The following CDH13 variants were observed in gnomAD, a reference collection of about 807,000 sequenced individuals.
CDH13 encodes cadherin 13, also known as cadherin-13.
CDH13 carries 24 observed loss-of-function variants against 63.8 expected under a neutral mutation model. The ratio of observed to expected loss-of-function variants is 0.38; its 90% CI spans 0.27 to 0.53. The LOEUF (loss-of-function observed/expected upper bound fraction) is 0.53, where lower values mean the gene tolerates loss of function less well. CDH13 is among the 20% of genes least tolerant of loss of function. The pLI, the probability that CDH13 is intolerant of heterozygous loss-of-function variation, is 0.85. For missense variants in CDH13, 1,049 were observed against 903.1 expected (o/e 1.16, Z -2.07); for synonymous variants, 503 against 355.3 (o/e 1.42, Z -4.67).
intron 6 of CDH13, among the ~76,000 whole-genome samples, chr16:83,440,753 C>T (rs1256138096): frequency 6.7e-6 from 1 of 148,348 alleles, no homozygotes; most frequent in East Asian, 2.0e-4. Flanking sequence ...CCACCGCACT[C>T]CAGCCTGGGC....
At chr16:83,343,973 AT>A (rs772583801) in intron 5 of CDH13, among the ~76,000 whole-genome samples, 2 of 152,222 alleles carry the variant, frequency 1.3e-5, no homozygotes, top group Non-Finnish European at 2.9e-5. Flanking sequence ...CCACTTACAG[AT>A]GAGAAAACTG....
At chr16:83,686,231 C>T (rs1904313324) in intron 10 of CDH13, among the ~76,000 whole-genome samples, 1 of 152,208 alleles carries the variant, frequency 6.6e-6, no homozygotes, top group African/African-American at 2.4e-5. Context: ...GTAACTTCAC[C>T]AAGCTTCACA....
At chr16:83,774,704 A>G (rs1914987643) in intron 11 of CDH13, among the ~76,000 whole-genome samples, 1 of 152,196 alleles carries the variant, frequency 6.6e-6, no homozygotes, top group Non-Finnish European at 1.5e-5. Flanking sequence ...AAAATAAAAA[A>G]TTCCACTTAC....
At chr16:82,657,236 GAAC>G (rs1455422197) in intron 1 of CDH13, among the ~76,000 whole-genome samples, 3 of 152,056 alleles carry the variant, frequency 2.0e-5, no homozygotes, top group African/African-American at 7.2e-5. Flanking sequence ...AGTAAGAGAT[GAAC>G]AACAATTGCT....
At chr16:83,424,224 A>G (rs1379790417) in intron 6 of CDH13, among the ~76,000 whole-genome samples, 2 of 149,390 alleles carry the variant, frequency 1.3e-5, no homozygotes, top group African/African-American at 2.4e-5. Context: ...TGTGGACTGA[A>G]CAGTCTAGAA....
At chr16:83,417,872 T>C (rs1235866003) in intron 6 of CDH13, among the ~76,000 whole-genome samples, 1 of 152,130 alleles carries the variant, frequency 6.6e-6, no homozygotes, top group African/African-American at 2.4e-5. Context: ...CACAGCAAAA[T>C]GGTTCCAGTC....
intron 8 of CDH13, among the ~76,000 whole-genome samples, chr16:83,612,183 C>G (rs1189921129): frequency 6.6e-6 from 1 of 151,964 alleles, no homozygotes; most frequent in East Asian, 1.9e-4. Flanking sequence ...TAATTTGAGG[C>G]TGTCTTATTA....
chr16:82,958,562 C>T (rs1169073795), intron 2 of CDH13, among the ~76,000 whole-genome samples: 2 of 152,152 alleles, frequency 1.3e-5, no homozygotes, highest in Non-Finnish European at 2.9e-5. Flanking sequence ...GAGAGGAAGA[C>T]AATGAGTAAA....
intron 3 of CDH13, among the ~76,000 whole-genome samples, chr16:83,087,436 G>C (rs534490790): frequency 6.6e-6 from 1 of 151,982 alleles, no homozygotes; most frequent in African/African-American, 2.4e-5. Flanking sequence ...TTGAGAGGCC[G>C]AGGCGGGCAG....
intron 3 of CDH13, among the ~76,000 whole-genome samples, chr16:83,082,541 G>A (rs1261648732): frequency 2.6e-5 from 4 of 152,152 alleles, no homozygotes; most frequent in African/African-American, 9.7e-5. Context: ...GCTGAGGCAG[G>A]AGAATAGGAG....
intron 2 of CDH13, among the ~76,000 whole-genome samples, chr16:83,031,091 C>T (rs1916264432): frequency 6.6e-6 from 1 of 150,836 alleles, no homozygotes; most frequent in Non-Finnish European, 1.5e-5. Flanking sequence ...ATATATGGTG[C>T]ATGCGTATGT....
intron 7 of CDH13, among the ~76,000 whole-genome samples, chr16:83,506,241 C>T (rs1419231516): frequency 6.6e-6 from 1 of 152,124 alleles, no homozygotes. Flanking sequence ...TAGACAAGCT[C>T]CTCTGTATCC....
chr16:83,175,073 C>T (rs963271152), intron 4 of CDH13, among the ~76,000 whole-genome samples: 8 of 152,046 alleles, frequency 5.3e-5, no homozygotes, highest in Non-Finnish European at 8.8e-5. Flanking sequence ...TCATCAGCTA[C>T]GTATCGCTGG....
At chr16:83,227,875 C>G (rs1310642332) in intron 5 of CDH13, among the ~76,000 whole-genome samples, 2 of 152,200 alleles carry the variant, frequency 1.3e-5, no homozygotes, top group East Asian at 1.9e-4. Flanking sequence ...GTGTTAGCCA[C>G]TATTTCACAG....
intron 4 of CDH13, among the ~76,000 whole-genome samples, chr16:83,173,753 C>T (rs72800277): frequency 0.02 from 3,087 of 152,206 alleles, 64 homozygotes; most frequent in Middle Eastern, 0.044. Flanking sequence ...TTCTGGGCCT[C>T]TTTCTTTAGG....
intron 2 of CDH13, among the ~76,000 whole-genome samples, chr16:82,940,199 T>A (rs1386342686): frequency 6.6e-6 from 1 of 152,120 alleles, no homozygotes; most frequent in Admixed American, 6.6e-5. Flanking sequence ...TATCAGTAGG[T>A]CAAATGCAAA....
At chr16:83,671,494 C>T (rs1914496212) in intron 9 of CDH13, among the ~76,000 whole-genome samples, 1 of 152,186 alleles carries the variant, frequency 6.6e-6, no homozygotes, top group African/African-American at 2.4e-5. Flanking sequence ...AGTGATCCAC[C>T]TGCCCTGGCC....
At chr16:83,455,834 T>G (rs2073010811) in intron 6 of CDH13, among the ~76,000 whole-genome samples, 1 of 152,218 alleles carries the variant, frequency 6.6e-6, no homozygotes, top group South Asian at 2.1e-4. Flanking sequence ...CAAGTCTCCC[T>G]TTCCTTCTCT....
At chr16:83,016,218 A>G (rs1718471351) in intron 2 of CDH13, among the ~76,000 whole-genome samples, 2 of 152,210 alleles carry the variant, frequency 1.3e-5, no homozygotes, top group Non-Finnish European at 1.5e-5. Flanking sequence ...CCACGTATGC[A>G]CACAAGAATT....
Sources: allele counts gnomAD v4.1 joint callset (sites outside exome capture counted in the v4.1 genomes callset), GRCh38; gene constraint gnomAD v4.1.1; transcripts MANE v1.5; gene names NCBI Gene and HGNC (gene_info 2026-07-23, HGNC 2026-07-21).